The following SHB variants were observed in gnomAD, a reference collection of about 807,000 sequenced individuals.
SHB encodes the protein SH2 domain-containing adapter protein B.
A neutral mutation model predicts 52.3 loss-of-function variants in SHB; 20 were observed. The observed-to-expected ratio is 0.38, with a 90% confidence interval of 0.27 to 0.56. The LOEUF (loss-of-function observed/expected upper bound fraction) is 0.56. Among genes scored for constraint, SHB ranks in the 20% least tolerant of loss-of-function variants. The probability of loss-of-function intolerance (pLI) is 0.71; values close to 1 mark genes in which losing one functional copy is unlikely to be tolerated. For missense variants in SHB, 825 were observed against 723.3 expected (o/e 1.14, Z -1.61); for synonymous variants, 397 against 316.5 (o/e 1.25, Z -2.70).
chr9:38,049,388 C>T (rs1442462384), intron 1 of SHB, among the ~76,000 whole-genome samples: 6 of 152,060 alleles, frequency 3.9e-5, no homozygotes. Flanking sequence ...GTGGGCAGAT[C>T]CCCTGAGGTC....
intron 5 of SHB, among the ~76,000 whole-genome samples, chr9:37,937,129 T>C (rs1323038998): frequency 6.6e-6 from 1 of 152,336 alleles, no homozygotes; most frequent in East Asian, 1.9e-4. Flanking sequence ...ACTTCCCTAC[T>C]GTCCTGTCTC....
chr9:37,972,918 A>T (rs1820608851), intron 3 of SHB, among the ~76,000 whole-genome samples: 2 of 152,234 alleles, frequency 1.3e-5, no homozygotes, highest in South Asian at 4.1e-4. Context: ...AATTTTAAAC[A>T]AACTAAAGAT....
rs749788999 is a variant in SHB at position 38,068,555 on chromosome 9, G to T, written c.91C>A (p.Arg31=). ...QPPRPDYREQ[R]RRGERPSQPP... ...TGCGAAGGCCGCTCGCCTCGGCGCC[G>T]CTGCTCGCGGTAGTCTGGCCGCGGC... The change falls in exon 1 of 6, where the codon CGG becomes AGG. Residue 31 remains arginine (R), a synonymous_variant. Transcript: ENST00000377707. 5.5e-6 allele frequency: 8 copies of T among 1,454,438 alleles called. No individual in the cohort carries two copies. The highest frequency in any genetic ancestry group is 2.1e-4 in the Middle Eastern group (1 of 4,760). 90.1% of individuals were successfully genotyped at this position (1,454,438 alleles called of 1,614,324 possible).
At chr9:37,927,672 G>T (rs1015046310) in intron 5 of SHB, among the ~76,000 whole-genome samples, 7 of 152,198 alleles carry the variant, frequency 4.6e-5, no homozygotes, top group African/African-American at 1.4e-4. Flanking sequence ...TATTAGACAA[G>T]AAGTTTTTAA....
chr9:38,035,562 T>G (rs1821475754), intron 1 of SHB, among the ~76,000 whole-genome samples: 1 of 152,108 alleles, frequency 6.6e-6, no homozygotes, highest in East Asian at 1.9e-4. Flanking sequence ...TGTGAAAGGT[T>G]GGGTGCCATG....
At chr9:37,986,143 G>A (rs139334453) in intron 2 of SHB, among the ~76,000 whole-genome samples, 29 of 152,284 alleles carry the variant, frequency 1.9e-4, no homozygotes, top group African/African-American at 7.0e-4. Flanking sequence ...AAGTCCTGAT[G>A]CAAGGAGACA....
At chr9:37,994,861 C>T (rs1352886198) in intron 2 of SHB, among the ~76,000 whole-genome samples, 1 of 152,108 alleles carries the variant, frequency 6.6e-6, no homozygotes, top group Non-Finnish European at 1.5e-5. Context: ...AAACATCTAC[C>T]TCACCGTGAA....
intron 5 of SHB, among the ~76,000 whole-genome samples, chr9:37,932,931 C>T (rs973524572): frequency 4.6e-5 from 7 of 152,184 alleles, no homozygotes; most frequent in Admixed American, 4.6e-4. Flanking sequence ...AACCTTCTTA[C>T]TATCTGTATG....
In SHB at chr9:38,029,784, C is replaced by A. The variant is rs572251711; in HGVS notation, c.718-13653G>T. 4.2e-4 allele frequency among the ~76,000 whole-genome samples: 64 copies of A among 152,336 alleles called. No homozygotes were observed. In the Middle Eastern group the frequency reaches 0.01, roughly 24 times the overall value. Reference sequence around the variant, plus strand: ...GGGATTACAGGTGTGAGCCACCACACCCGGCCTGCTATGAGATTTAAATGA... The same window carrying A: ...GGGATTACAGGTGTGAGCCACCACAACCGGCCTGCTATGAGATTTAAATGA... On this transcript the variant is annotated intron_variant, in intron 1 of 5. Coordinates refer to ENST00000377707, the MANE Select transcript of SHB (RefSeq NM_003028.3).
At chr9:37,993,755 T>C (rs910618250) in intron 2 of SHB, among the ~76,000 whole-genome samples, 1 of 152,184 alleles carries the variant, frequency 6.6e-6, no homozygotes, top group African/African-American at 2.4e-5. Context: ...TACGGAATTT[T>C]TGATATAAGC....
At position 38,017,530 on chromosome 9, in the gene SHB, G is replaced by C. The variant is rs555138424; in HGVS notation, c.718-1399C>G. On this transcript the variant is annotated intron_variant, in intron 1 of 5. Coordinates refer to ENST00000377707, the MANE Select transcript of SHB (RefSeq NM_003028.3). ...TGATGCCCGGAAAGGGACAGCAGGC[G>C]GCAGCTCTGTCCCTGGCAAGTGGCT... Among the ~76,000 whole-genome samples, 4 of 152,354 alleles carry C rather than the reference G, an allele frequency of 2.6e-5. No individual in the cohort carries two copies. The South Asian group carries it at 8.3e-4, about 32-fold the overall frequency.
At chr9:38,051,694 A>C (rs1821752431) in intron 1 of SHB, among the ~76,000 whole-genome samples, 1 of 152,128 alleles carries the variant, frequency 6.6e-6, no homozygotes, top group African/African-American at 2.4e-5. Context: ...GCCCCACAGA[A>C]GCCCGGCAAG....
Position 37,994,523 on chromosome 9 carries a change from C to T in SHB, c.839-19686G>A, listed in dbSNP as rs181689987. Among the ~76,000 whole-genome samples the T allele has an allele frequency of 3.6e-4, 55 of 152,386 alleles. 1 individual carries two copies. The highest frequency in any genetic ancestry group is 8.5e-4 in the Admixed American group (13 of 15,312). On this transcript the variant is annotated intron_variant, in intron 2 of 5. Coordinates refer to ENST00000377707, the MANE Select transcript of SHB (RefSeq NM_003028.3). ...GTTCAAACCCTGGCTCTGCCGCCTA[C>T]CAGCCTATGCCCTCTGGGGAGCGAT...
intron 1 of SHB, among the ~76,000 whole-genome samples, chr9:38,025,628 T>A (rs1821331866): frequency 6.6e-6 from 1 of 152,134 alleles, no homozygotes; most frequent in Non-Finnish European, 1.5e-5. Context: ...AGCCCTCTGC[T>A]CTCACCCTCC....
intron 1 of SHB, among the ~76,000 whole-genome samples, chr9:38,029,689 C>A (rs1388942340): frequency 6.6e-6 from 1 of 152,092 alleles, no homozygotes; most frequent in Non-Finnish European, 1.5e-5. Context: ...CAGGGTTTCA[C>A]CATGTTGGCC....
In SHB at chr9:37,948,745, G is replaced by A. The variant is rs748833052; in HGVS notation, c.1236C>T (p.His412=). The A allele has an allele frequency of 3.6e-5, 58 of 1,613,768 alleles. No individual in the cohort carries two copies. Among genetic ancestry groups the A allele is most frequent in the African/African-American group, 3.3e-4 (25 of 75,054 alleles). The change falls in exon 5 of 6, where the codon CAC becomes CAT. Residue 412 remains histidine, a synonymous_variant. Coordinates refer to ENST00000377707, the MANE Select transcript of SHB (RefSeq NM_003028.3). ...CGGCGTCTCCTCTGCTGATGGCTCCGTGATACCATCTGTGGAGAGGGCAGA... is the reference window on the plus strand; with the variant it reads ...CGGCGTCTCCTCTGCTGATGGCTCCATGATACCATCTGTGGAGAGGGCAGA... ...AVPLEKQIWY[H]GAISRGDAEN...
At chr9:37,978,030 G>A (rs749832284) in intron 2 of SHB, among the ~76,000 whole-genome samples, 1 of 152,178 alleles carries the variant, frequency 6.6e-6, no homozygotes, top group Non-Finnish European at 1.5e-5. Context: ...TGGGATAAAT[G>A]AAACAGAACT....
chr9:37,988,764 C>T (rs1820842698), intron 2 of SHB, among the ~76,000 whole-genome samples: 1 of 152,206 alleles, frequency 6.6e-6, no homozygotes, highest in South Asian at 2.1e-4. Flanking sequence ...ATTGCACACC[C>T]CTCCTTGTTG....
chr9:37,954,062 G>T (rs1832600800), intron 4 of SHB, among the ~76,000 whole-genome samples: 1 of 152,200 alleles, frequency 6.6e-6, no homozygotes, highest in Non-Finnish European at 1.5e-5. Flanking sequence ...CCTGGCCACT[G>T]CTGGTCAGGA....
Sources: allele counts gnomAD v4.1 joint callset (sites outside exome capture counted in the v4.1 genomes callset), GRCh38; gene constraint gnomAD v4.1.1; transcripts MANE v1.5; gene names NCBI Gene and HGNC (gene_info 2026-07-23, HGNC 2026-07-21).